ABTB2: variants seen among roughly 807,000 people sequenced by gnomAD.
ABTB2 encodes the protein ankyrin repeat and BTB/POZ domain-containing protein 2.
A neutral mutation model predicts 104.1 loss-of-function variants in ABTB2; 56 were observed. That is an observed-to-expected ratio of 0.54 (90% CI 0.43 to 0.67). The LOEUF is 0.67. Ranked by LOEUF, ABTB2 falls within the 30% of genes least tolerant of loss-of-function variation. The pLI, the probability that ABTB2 is intolerant of heterozygous loss-of-function variation, is 0.00. For synonymous variants in ABTB2, 606 were observed against 608.2 expected, an observed-to-expected ratio of 1.00 and a Z score of 0.05; for missense variants, 1,279 against 1,407.7, an observed-to-expected ratio of 0.91 and a Z score of 1.46.
intron 3 of ABTB2, among the ~76,000 whole-genome samples, chr11:34,193,348 G>A (rs1313117647): frequency 6.6e-6 from 1 of 152,230 alleles, no homozygotes; most frequent in Non-Finnish European, 1.5e-5. Context: ...GGCTCCAGCT[G>A]CAGAGCTTTC....
chr11:34,235,817 C>A (rs181173952), intron 1 of ABTB2, among the ~76,000 whole-genome samples: 2 of 152,292 alleles, frequency 1.3e-5, no homozygotes, highest in Non-Finnish European at 2.9e-5. Flanking sequence ...GAGGTCAGCG[C>A]TAGCTAAGTG....
Position 34,152,154 on chromosome 11 carries a change from G to T in ABTB2, c.*233C>A. 1 of 549,138 alleles carries T rather than the reference G, an allele frequency of 1.8e-6. No homozygotes were observed. Among genetic ancestry groups the T allele is most frequent in the Non-Finnish European group, 3.3e-6 (1 of 306,104 alleles). 34.0% of individuals were successfully genotyped at this position (549,138 alleles called of 1,614,324 possible). ...CTGCCCTTGAGTTGCAAACTGAGAT[G>T]GGGAGGAGGGCCACCAGTTAGCTAC... On this transcript the variant is annotated 3_prime_UTR_variant, in exon 17 of 17. Coordinates refer to ENST00000435224, the MANE Select transcript of ABTB2 (RefSeq NM_145804.3).
chr11:34,308,624 C>T (rs1854807160), intron 1 of ABTB2, among the ~76,000 whole-genome samples: 1 of 152,054 alleles, frequency 6.6e-6, no homozygotes, highest in African/African-American at 2.4e-5. Flanking sequence ...AATCCCAGTA[C>T]TTTGAGAAGC....
At chr11:34,159,805 T>C in intron 13 of ABTB2, 101 bp downstream of exon 13, 1 of 929,102 alleles carries the variant, frequency 1.1e-6, no homozygotes, top group East Asian at 2.5e-5. Context: ...GGGCAGAGGC[T>C]GCAGGGTACA....
intron 7 of ABTB2, 139 bp downstream of exon 7, chr11:34,167,120 C>T: frequency 6.8e-6 from 5 of 731,360 alleles, no homozygotes; most frequent in Non-Finnish European, 1.1e-5. Context: ...CTCTATCGAT[C>T]AGGTGAGCTG....
chr11:34,175,698 A>T (rs1321018), intron 3 of ABTB2, among the ~76,000 whole-genome samples: 2 of 151,956 alleles, frequency 1.3e-5, no homozygotes, highest in African/African-American at 2.4e-5. Context: ...TCCACTGAGC[A>T]TACCAATCTG....
At chr11:34,192,110 G>A (rs1375808524) in intron 3 of ABTB2, among the ~76,000 whole-genome samples, 2 of 152,164 alleles carry the variant, frequency 1.3e-5, no homozygotes, top group Non-Finnish European at 2.9e-5. Flanking sequence ...GGGCAACATG[G>A]TGGGACCCCA....
Position 34,306,421 on chromosome 11 carries a change from ATTTTTAGTAGAGGTGGGGTT to A in ABTB2, c.883+50260_883+50279del, listed in dbSNP as rs568815038. ...ACCACCACACCTGGTTAATTTTTGT[ATTTTTAGTAGAGGTGGGGTT>A]TCACCATGTTGGCCAGGATGGTCTC... On this transcript the variant is annotated intron_variant, in intron 1 of 16. Coordinates refer to ENST00000435224, the MANE Select transcript of ABTB2 (RefSeq NM_145804.3). Among the ~76,000 whole-genome samples the A allele has an allele frequency of 3.8e-3, 576 of 151,462 alleles. 3 individuals are homozygous for A. Among genetic ancestry groups the A allele is most frequent in the Non-Finnish European group, 6.7e-3 (457 of 67,786 alleles).
At chr11:34,347,205 G>A (rs1445825174) in intron 1 of ABTB2, among the ~76,000 whole-genome samples, 1 of 152,214 alleles carries the variant, frequency 6.6e-6, no homozygotes, top group African/African-American at 2.4e-5. Flanking sequence ...GGAGGCCACG[G>A]CGGGCAGATC....
chr11:34,309,590 G>A (rs376768356), intron 1 of ABTB2, among the ~76,000 whole-genome samples: 3 of 151,996 alleles, frequency 2.0e-5, no homozygotes, highest in Non-Finnish European at 4.4e-5. Context: ...TGAAAGAAAC[G>A]TGGCCACGAT....
chr11:34,335,133 T>C (rs1402645302), intron 1 of ABTB2: 20 of 1,213,390 alleles, frequency 1.6e-5, no homozygotes, highest in Non-Finnish European at 2.2e-5. Flanking sequence ...ACTTAATTTC[T>C]TCATAATATG....
intron 1 of ABTB2, among the ~76,000 whole-genome samples, chr11:34,253,296 A>T (rs920068355): frequency 2.6e-5 from 4 of 152,210 alleles, no homozygotes; most frequent in Non-Finnish European, 5.9e-5. Flanking sequence ...AGCACTGTTC[A>T]TGTCGGCAAC....
At chr11:34,262,721 T>C (rs940316235) in intron 1 of ABTB2, among the ~76,000 whole-genome samples, 2 of 152,204 alleles carry the variant, frequency 1.3e-5, no homozygotes, top group East Asian at 1.9e-4. Flanking sequence ...AGGGCCATTA[T>C]TAACAGTGAC....
intron 1 of ABTB2, among the ~76,000 whole-genome samples, chr11:34,296,783 T>C (rs1440012718): frequency 6.6e-6 from 1 of 152,160 alleles, no homozygotes; most frequent in African/African-American, 2.4e-5. Flanking sequence ...AGAGAAATGG[T>C]CTGGAAATGG....
At chr11:34,276,767 A>G (rs191977084) in intron 1 of ABTB2, among the ~76,000 whole-genome samples, 2 of 152,328 alleles carry the variant, frequency 1.3e-5, no homozygotes, top group Admixed American at 6.5e-5. Flanking sequence ...CTGCTGATCC[A>G]CTGTTCCTTG....
chr11:34,261,188 A>G (rs1437821565), intron 1 of ABTB2, among the ~76,000 whole-genome samples: 2 of 152,108 alleles, frequency 1.3e-5, no homozygotes, highest in Non-Finnish European at 2.9e-5. Flanking sequence ...AATCACGCTC[A>G]CCTAGGTTTA....
At chr11:34,250,643 C>T (rs192400378) in intron 1 of ABTB2, among the ~76,000 whole-genome samples, 52 of 152,294 alleles carry the variant, frequency 3.4e-4, no homozygotes, top group African/African-American at 1.2e-3. Context: ...GGCAGAAAGA[C>T]GCTTCATCAT....
rs181997121 is a variant in ABTB2 at position 34,308,438 on chromosome 11, G to A, written c.883+48263C>T. 5.9e-5 allele frequency among the ~76,000 whole-genome samples: 9 copies of A among 152,250 alleles called. No homozygotes were observed. The East Asian group carries it at 1.7e-3, about 29-fold the overall frequency. ...CATAAAAACTTAAGACTGCAGTGTG[G>A]GGCCATTTAATATTGGGACCAACAT... On this transcript the variant is annotated intron_variant, in intron 1 of 16. Coordinates refer to ENST00000435224, the MANE Select transcript of ABTB2 (RefSeq NM_145804.3).
In ABTB2 at chr11:34,162,685, G is replaced by A. The variant is rs771693284; in HGVS notation, c.2109C>T (p.Ser703=). The change falls in exon 10 of 17, where the codon AGC becomes AGT. Residue 703 remains serine, a synonymous_variant. Coordinates refer to ENST00000435224, the MANE Select transcript of ABTB2 (RefSeq NM_145804.3). ...TCCGGCTCAGCCGCACGGGCCCCTC[G>A]CTGCCACTGCCCTGGCTCGACGCAT... ...ESDASSQGSG[S]EGPVRLSRTR... 8.7e-6 allele frequency: 14 copies of A among 1,612,926 alleles called. No homozygotes were observed. The highest frequency in any genetic ancestry group is 3.3e-5 in the Admixed American group (2 of 60,008).
Sources: gnomAD v4.1 joint callset for allele counts (sites outside exome capture counted in the v4.1 genomes callset) on GRCh38, gnomAD v4.1.1 for gene constraint, MANE v1.5 for transcripts, NCBI Gene and HGNC (gene_info 2026-07-23, HGNC 2026-07-21) for gene names.